The following ZMIZ1 variants were observed in gnomAD, a reference collection of about 807,000 sequenced individuals.
ZMIZ1 encodes zinc finger MIZ domain-containing protein 1.
In ZMIZ1, 17 loss-of-function variants were observed where a neutral mutation model predicts 113.9. The observed-to-expected ratio is 0.15, with a 90% CI of 0.10 to 0.22. The LOEUF (loss-of-function observed/expected upper bound fraction) is 0.22. Among genes scored for constraint, ZMIZ1 ranks in the 10% least tolerant of loss-of-function variants. The pLI, the probability that ZMIZ1 is intolerant of heterozygous loss-of-function variation, is 1.00. For missense variants in ZMIZ1, 1,059 were observed against 1,477.8 expected, an observed-to-expected ratio of 0.72 and a Z score of 4.65; for synonymous variants, 607 against 603.1, an observed-to-expected ratio of 1.01 and a Z score of -0.09.
At chr10:79,218,619 C>T (rs866931113) in intron 7 of ZMIZ1, among the ~76,000 whole-genome samples, 1,444 of 129,206 alleles carry the variant, frequency 0.011, 26 homozygotes, top group African/African-American at 0.046. Context: ...GTCTGTCTGT[C>T]TGTGTAAGCT....
chr10:79,265,174 G>C (rs1040157747), intron 7 of ZMIZ1, among the ~76,000 whole-genome samples: 2 of 152,176 alleles, frequency 1.3e-5, no homozygotes, highest in Non-Finnish European at 2.9e-5. Context: ...GAGAGGGGGC[G>C]GGCGTGCGAG....
At chr10:79,157,862 G>A (rs1845965044) in intron 3 of ZMIZ1, among the ~76,000 whole-genome samples, 1 of 152,200 alleles carries the variant, frequency 6.6e-6, no homozygotes, top group East Asian at 1.9e-4. Context: ...GATGTGTGTG[G>A]CGGTGGGGTT....
chr10:79,096,621 C>T (rs866400306), intron 1 of ZMIZ1, among the ~76,000 whole-genome samples: 6 of 151,898 alleles, frequency 4.0e-5, no homozygotes, highest in South Asian at 2.1e-4. Flanking sequence ...TTCTTGAGTG[C>T]TTCTTGACCC....
chr10:79,142,305 G>A (rs774134390), intron 3 of ZMIZ1, among the ~76,000 whole-genome samples: 1 of 152,194 alleles, frequency 6.6e-6, no homozygotes, highest in Non-Finnish European at 1.5e-5. Context: ...GAGTTGTCGT[G>A]GATTGATGGT....
At chr10:79,210,694 T>G (rs576710366) in intron 6 of ZMIZ1, among the ~76,000 whole-genome samples, 1 of 151,830 alleles carries the variant, frequency 6.6e-6, no homozygotes, top group Non-Finnish European at 1.5e-5. Flanking sequence ...AGGAAGGAGG[T>G]GTAAAGCAGC....
At chr10:79,282,419 G>T (rs531926203) in intron 8 of ZMIZ1, among the ~76,000 whole-genome samples, 6 of 152,188 alleles carry the variant, frequency 3.9e-5, no homozygotes, top group African/African-American at 1.4e-4. Flanking sequence ...CTCTGAGGAC[G>T]AACAAATGGG....
At position 79,311,147 on chromosome 10, in the gene ZMIZ1, C is replaced by G; in HGVS notation, c.3059C>G (p.Ala1020Gly). 6.2e-7 allele frequency: 1 copy of G among 1,613,512 alleles called. No individual in the cohort carries two copies. Among genetic ancestry groups the G allele is most frequent in the East Asian group, 2.2e-5 (1 of 44,864 alleles). Residue 1020 changes from alanine (A) to glycine (G), a missense_variant, in exon 24 of 25, where the codon GCG becomes GGG. Ala to Gly is a moderately conservative substitution (Grantham distance 60). Coordinates refer to ENST00000334512, the MANE Select transcript of ZMIZ1 (RefSeq NM_020338.4). ...TCAGCCTTAGAGGGTCAGGCCGGAG[C>G]GCAGGGAGCGTCCGACATGCCGGAG... ...PSSALEGQAG[A>G]QGASDMPEPS...
At chr10:79,082,237 G>A (rs889789087) in intron 1 of ZMIZ1, among the ~76,000 whole-genome samples, 1 of 152,242 alleles carries the variant, frequency 6.6e-6, no homozygotes, top group Non-Finnish European at 1.5e-5. Flanking sequence ...CTATGGTCTT[G>A]GTAAGACAGC....
At chr10:79,160,418 A>C (rs1480222246) in intron 3 of ZMIZ1, among the ~76,000 whole-genome samples, 1 of 152,214 alleles carries the variant, frequency 6.6e-6, no homozygotes, top group African/African-American at 2.4e-5. Flanking sequence ...TCATCCATGC[A>C]TCAGCTGACG....
intron 8 of ZMIZ1, among the ~76,000 whole-genome samples, chr10:79,279,083 C>T (rs1419114653): frequency 6.9e-6 from 1 of 145,658 alleles, no homozygotes; most frequent in Non-Finnish European, 1.5e-5. Flanking sequence ...ACCTCCAGGA[C>T]GGGGCAGCTG....
chr10:79,104,950 G>GGT (rs58453718), intron 1 of ZMIZ1, among the ~76,000 whole-genome samples: 28,734 of 139,962 alleles, frequency 0.21, 2,979 homozygotes, highest in East Asian at 0.27. Context: ...GTTGTTGTGG[G>GGT]GTGTGTGTGT....
At chr10:79,074,470 G>A (rs1270630770) in intron 1 of ZMIZ1, among the ~76,000 whole-genome samples, 4 of 152,226 alleles carry the variant, frequency 2.6e-5, no homozygotes, top group Admixed American at 6.5e-5. Context: ...GTGTCTTACA[G>A]CCAGAGCTTG....
Position 79,148,494 on chromosome 10 carries a change from G to A in ZMIZ1, c.-131+8717G>A, listed in dbSNP as rs111604787. ...TGTCTCTGTTGTGATGAGGTCTAGG[G>A]TATTCAATCTGGAAGAGTCCCACAG... On this transcript the variant is annotated intron_variant, in intron 3 of 24. Coordinates refer to ENST00000334512, the MANE Select transcript of ZMIZ1 (RefSeq NM_020338.4). 3.9e-5 allele frequency among the ~76,000 whole-genome samples: 6 copies of A among 152,352 alleles called. 1 individual carries two copies. Among genetic ancestry groups the A allele is most frequent in the African/African-American group, 1.4e-4 (6 of 41,570 alleles).
rs1855343940 is a variant in ZMIZ1, at chr10:79,313,540, G to A, written c.*791G>A. Reference sequence around the variant, plus strand: ...CAAGCTCAGACAGGGCCCAGGCTTGGGGAACAGAGAGAGCAGGTGTACACC... The same window carrying A: ...CAAGCTCAGACAGGGCCCAGGCTTGAGGAACAGAGAGAGCAGGTGTACACC... On this transcript the variant is annotated 3_prime_UTR_variant, in exon 25 of 25. Coordinates refer to ENST00000334512, the MANE Select transcript of ZMIZ1 (RefSeq NM_020338.4). 6.1e-6 allele frequency: 1 copy of A among 165,000 alleles called. No individual in the cohort carries two copies. Among genetic ancestry groups the A allele is most frequent in the East Asian group, 1.8e-4 (1 of 5,586 alleles). 10.2% of individuals were successfully genotyped at this position (165,000 alleles called of 1,614,324 possible).
intron 9 of ZMIZ1, 35 bp downstream of exon 9, chr10:79,289,924 T>C (rs1415946064): frequency 1.9e-6 from 3 of 1,594,200 alleles, no homozygotes; most frequent in Middle Eastern, 1.7e-4. Context: ...CACAGCTCTT[T>C]CTAGGCGGGA....
At chr10:79,092,854 G>C (rs1282762580) in intron 1 of ZMIZ1, among the ~76,000 whole-genome samples, 3 of 152,060 alleles carry the variant, frequency 2.0e-5, no homozygotes, top group Non-Finnish European at 4.4e-5. Context: ...TGTAAGATGG[G>C]TGTATTTTGT....
intron 7 of ZMIZ1, among the ~76,000 whole-genome samples, chr10:79,220,851 T>C (rs1848935219): frequency 6.7e-6 from 1 of 149,194 alleles, no homozygotes; most frequent in Admixed American, 6.7e-5. Context: ...CATGTCTCTG[T>C]GTATGTCTGC....
At chr10:79,201,516 G>A in intron 4 of ZMIZ1, 68 bp from the exon 5 acceptor site, 1 of 1,204,452 alleles carries the variant, frequency 8.3e-7, no homozygotes, top group Non-Finnish European at 1.2e-6. Flanking sequence ...CCAGAGGGCA[G>A]TTGGGAGGCT....
chr10:79,160,490 C>A (rs1322469339), intron 3 of ZMIZ1, among the ~76,000 whole-genome samples: 1 of 152,246 alleles, frequency 6.6e-6, no homozygotes, highest in Admixed American at 6.5e-5. Flanking sequence ...CTGCACAGCT[C>A]TTTGAGGGAG....
Sources: gnomAD v4.1 joint callset for allele counts (sites outside exome capture counted in the v4.1 genomes callset) on GRCh38, gnomAD v4.1.1 for gene constraint, MANE v1.5 for transcripts, NCBI Gene and HGNC (gene_info 2026-07-23, HGNC 2026-07-21) for gene names.